Variants in TWSG1 observed in about 807,000 individuals in gnomAD.
TWSG1 encodes twisted gastrulation protein homolog 1.
TWSG1 carries 15 observed loss-of-function variants against 23.0 expected under a neutral mutation model. That is an observed-to-expected ratio of 0.65 (90% CI 0.44 to 1.00). The LOEUF (loss-of-function observed/expected upper bound fraction) is 1.00, where lower values mean the gene tolerates loss of function less well. Among genes scored for constraint, TWSG1 ranks in the 50% least tolerant of loss-of-function variants. The probability of loss-of-function intolerance (pLI) is 0.00; values close to 1 mark genes in which losing one functional copy is unlikely to be tolerated. For synonymous variants in TWSG1, 86 were observed against 92.8 expected (o/e 0.93, Z 0.42); for missense variants, 242 against 278.7 (o/e 0.87, Z 0.94).
chr18:9,359,678 A>G (rs1258310937), intron 2 of TWSG1, among the ~76,000 whole-genome samples: 1 of 152,184 alleles, frequency 6.6e-6, no homozygotes, highest in African/African-American at 2.4e-5. Flanking sequence ...CTTGTACTGA[A>G]TTATTCGTTG....
chr18:9,385,406 G>GAAGTAAAAAGCAGACCAAGGA (rs1598833446), intron 3 of TWSG1, among the ~76,000 whole-genome samples: 2 of 113,736 alleles, frequency 1.8e-5, no homozygotes, highest in South Asian at 2.6e-4. Flanking sequence ...AAGAAAGAAC[G>GAAGTAAAAAGCAGACCAAGGA]GGCCGGGCGC....
At chr18:9,376,946 A>C (rs2040633118) in intron 3 of TWSG1, among the ~76,000 whole-genome samples, 1 of 152,056 alleles carries the variant, frequency 6.6e-6, no homozygotes, top group Non-Finnish European at 1.5e-5. Context: ...AACTGTTTAC[A>C]TGTTACTTAA....
At chr18:9,372,115 T>C (rs2040608454) in intron 3 of TWSG1, among the ~76,000 whole-genome samples, 1 of 150,728 alleles carries the variant, frequency 6.6e-6, no homozygotes, top group Non-Finnish European at 1.5e-5. Context: ...TTCAAAATAA[T>C]AGCAACAATG....
intron 3 of TWSG1, chr18:9,388,560 A>G (rs144606532): frequency 6.6e-6 from 1 of 152,268 alleles, no homozygotes; most frequent in African/African-American, 2.4e-5. Context: ...AAAAGACCTT[A>G]GTATCTTTAA....
intron 3 of TWSG1, among the ~76,000 whole-genome samples, chr18:9,375,686 C>G (rs1342450278): frequency 2.0e-5 from 3 of 152,164 alleles, no homozygotes; most frequent in Non-Finnish European, 4.4e-5. Context: ...TGCTGTTCTA[C>G]ATACCAGCAA....
chr18:9,353,763 T>G (rs190891740), intron 2 of TWSG1, among the ~76,000 whole-genome samples: 90 of 152,276 alleles, frequency 5.9e-4, no homozygotes, highest in Non-Finnish European at 7.2e-4. Flanking sequence ...TTCTCAGCCT[T>G]CTCTTCTCCA....
intron 3 of TWSG1, among the ~76,000 whole-genome samples, chr18:9,391,741 G>T (rs973011822): frequency 6.6e-6 from 1 of 152,200 alleles, no homozygotes; most frequent in Non-Finnish European, 1.5e-5. Flanking sequence ...GGCACTGATA[G>T]ATATATTTCT....
At chr18:9,370,799 T>A (rs561931908) in intron 3 of TWSG1, among the ~76,000 whole-genome samples, 1 of 152,330 alleles carries the variant, frequency 6.6e-6, no homozygotes, top group South Asian at 2.1e-4. Context: ...CATTTAAGTA[T>A]CCTTTTCTGC....
chr18:9,364,421 T>C (rs1426653601), intron 3 of TWSG1, among the ~76,000 whole-genome samples: 2 of 152,204 alleles, frequency 1.3e-5, no homozygotes, highest in African/African-American at 4.8e-5. Context: ...CCCTTTGTGA[T>C]AAAGGTCCCC....
intron 3 of TWSG1, among the ~76,000 whole-genome samples, chr18:9,393,750 A>G (rs981559487): frequency 1.3e-5 from 2 of 152,140 alleles, no homozygotes; most frequent in Non-Finnish European, 2.9e-5. Context: ...TGATAAAGAC[A>G]GAGTCTCACT....
intron 1 of TWSG1, among the ~76,000 whole-genome samples, chr18:9,335,240 C>T (rs2040417348): frequency 1.3e-5 from 2 of 152,232 alleles, no homozygotes; most frequent in Non-Finnish European, 2.9e-5. Context: ...CGCTACCGGC[C>T]TCTGCCTCGC....
chr18:9,358,921 G>A (rs2040539649), intron 2 of TWSG1, among the ~76,000 whole-genome samples: 1 of 152,132 alleles, frequency 6.6e-6, no homozygotes, highest in South Asian at 2.1e-4. Context: ...GTAATCAGTG[G>A]TGGCTATGGA....
chr18:9,376,496 C>T (rs7245034), intron 3 of TWSG1, among the ~76,000 whole-genome samples: 72,102 of 151,812 alleles, frequency 0.47, 18,112 homozygotes, highest in East Asian at 0.71. Context: ...ATACGGCTGG[C>T]CCTTTGTATC....
intron 3 of TWSG1, chr18:9,388,287 T>TC (rs1367304223): frequency 6.6e-6 from 1 of 152,234 alleles, no homozygotes; most frequent in African/African-American, 2.4e-5. Context: ...TTTTCACTGT[T>TC]TTATGAAGTT....
At chr18:9,365,373 T>A (rs2040573184) in intron 3 of TWSG1, among the ~76,000 whole-genome samples, 1 of 152,024 alleles carries the variant, frequency 6.6e-6, no homozygotes, top group Non-Finnish European at 1.5e-5. Flanking sequence ...ATGGGAAATG[T>A]TAAATTAGAA....
intron 3 of TWSG1, among the ~76,000 whole-genome samples, chr18:9,375,296 T>A (rs2040624845): frequency 6.6e-6 from 1 of 151,884 alleles, no homozygotes; most frequent in African/African-American, 2.4e-5. Flanking sequence ...CACCCATTCA[T>A]GATAAAAACT....
At chr18:9,386,259 A>C (rs1362085252) in intron 3 of TWSG1, among the ~76,000 whole-genome samples, 3 of 152,096 alleles carry the variant, frequency 2.0e-5, no homozygotes, top group Non-Finnish European at 2.9e-5. Context: ...CAGGAGTTCA[A>C]GACCAGCCTG....
intron 2 of TWSG1, among the ~76,000 whole-genome samples, chr18:9,340,419 A>ATT (rs1162913615): frequency 6.7e-6 from 1 of 149,986 alleles, no homozygotes; most frequent in African/African-American, 2.4e-5. Context: ...AATATTGAGG[A>ATT]TTTTCTTGTT....
At chr18:9,337,425 T>A in intron 2 of TWSG1, 73 bp downstream of exon 2, 2 of 1,507,120 alleles carry the variant, frequency 1.3e-6, no homozygotes, top group African/African-American at 2.8e-5. Context: ...TATACAGATA[T>A]AGAGTGCATA....
Sources: gnomAD v4.1 joint callset for allele counts (sites outside exome capture counted in the v4.1 genomes callset) on GRCh38, gnomAD v4.1.1 for gene constraint, MANE v1.5 for transcripts, NCBI Gene and HGNC (gene_info 2026-07-23, HGNC 2026-07-21) for gene names.